Variants in DCPS observed in about 807,000 individuals in gnomAD.
DCPS encodes the protein decapping enzyme, scavenger.
Under a neutral mutation model 34.7 loss-of-function variants are expected in DCPS, and 27 were observed. The observed-to-expected ratio is 0.78, with a 90% CI of 0.57 to 1.07. The LOEUF (loss-of-function observed/expected upper bound fraction) is 1.07. Ranked by LOEUF, DCPS falls within the 50% of genes least tolerant of loss-of-function variation. DCPS has a pLI of 0.00. For synonymous variants in DCPS, 185 were observed against 185.7 expected (o/e 1.00, Z 0.03); for missense variants, 464 against 436.9 (o/e 1.06, Z -0.55).
At chr11:126,304,832 A>G (rs746338324) in intron 1 of DCPS, among the ~76,000 whole-genome samples, 3 of 152,226 alleles carry the variant, frequency 2.0e-5, no homozygotes, top group Non-Finnish European at 4.4e-5. Context: ...ACTACGGAAT[A>G]TTTCTGGCGA....
intron 2 of DCPS, among the ~76,000 whole-genome samples, chr11:126,309,855 T>C (rs1027641613): frequency 6.6e-6 from 1 of 152,228 alleles, no homozygotes; most frequent in Non-Finnish European, 1.5e-5. Context: ...CTGTCTCCTC[T>C]TCTTCTTTTC....
rs1591389406 is a variant in DCPS, at chr11:126,332,741, G to A, written c.522+1191G>A. Among the ~76,000 whole-genome samples the A allele has an allele frequency of 6.6e-6, 1 of 152,346 alleles. No homozygotes were observed. The highest frequency in any genetic ancestry group is 2.1e-4 in the South Asian group (1 of 4,826). ...CTCCCTGGGCAGCAGTTTGCGTGGG[G>A]TGCATCTGGCTCAAGCTGACTTGTT... On this transcript the variant is annotated intron_variant, in intron 3 of 5. Transcript: ENST00000263579. The surrounding 1 kb of genome is among the most constrained non-coding windows in gnomAD (Gnocchi z 5.4).
intron 1 of DCPS, among the ~76,000 whole-genome samples, chr11:126,304,943 C>T (rs181717840): frequency 1.3e-5 from 2 of 152,218 alleles, no homozygotes; most frequent in East Asian, 3.9e-4. Flanking sequence ...GGAGGCCTAG[C>T]CAGAGCAGAT....
intron 2 of DCPS, among the ~76,000 whole-genome samples, chr11:126,309,227 T>C (rs1951600634): frequency 6.6e-6 from 1 of 152,140 alleles, no homozygotes; most frequent in African/African-American, 2.4e-5. Context: ...GGTTTCACCA[T>C]GTTGGCCAGG....
Position 126,311,390 on chromosome 11 carries a change from C to T in DCPS, c.376+4646C>T, listed in dbSNP as rs147213672. Among the ~76,000 whole-genome samples the T allele has an allele frequency of 4.5e-3, 691 of 152,334 alleles. 6 individuals carry two copies. Among genetic ancestry groups the T allele is most frequent in the African/African-American group, 0.016 (664 of 41,582 alleles). ...TGAAGTGTCTGCTATGTGCCAGCTA[C>T]TCTAGTAGAAGCAAGGTCTGTGTTG... On this transcript the variant is annotated intron_variant, in intron 2 of 5. Transcript: ENST00000263579.
chr11:126,325,712 AG>A lies in DCPS; in HGVS notation c.377-5692del, dbSNP rs1951734293. On this transcript the variant is annotated intron_variant, in intron 2 of 5. Coordinates refer to ENST00000263579, the MANE Select transcript of DCPS (RefSeq NM_014026.6). The surrounding 1 kb of genome is among the most constrained non-coding windows in gnomAD (Gnocchi z 4.3). ...TAAAAAGACAAACACAGTGTTAAAAAGCATGACAGGGGAACTCTGTAAGGAG... is the reference window on the plus strand; with the variant it reads ...TAAAAAGACAAACACAGTGTTAAAAACATGACAGGGGAACTCTGTAAGGAG... Among the ~76,000 whole-genome samples, 1 of 152,208 alleles carries A rather than the reference AG, an allele frequency of 6.6e-6. No individual in the cohort carries two copies. Among genetic ancestry groups the A allele is most frequent in the South Asian group, 2.1e-4 (1 of 4,822 alleles).
At position 126,335,320 on chromosome 11, in the gene DCPS, G is replaced by A. The variant is rs1486400311; in HGVS notation, c.523-2966G>A. 6.6e-6 allele frequency among the ~76,000 whole-genome samples: 1 copy of A among 152,264 alleles called. No homozygotes were observed. Among genetic ancestry groups the A allele is most frequent in the Non-Finnish European group, 1.5e-5 (1 of 68,050 alleles). ...CCAGCCAGGTGAGTTGCAGAAAGCT[G>A]ATGGCATCACCCTCTGCCCAGTTTA... On this transcript the variant is annotated intron_variant, in intron 3 of 5. Coordinates refer to ENST00000263579, the MANE Select transcript of DCPS (RefSeq NM_014026.6). The surrounding 1 kb of genome is among the most constrained non-coding windows in gnomAD (Gnocchi z 4.8).
rs893155245 is a variant in DCPS, at chr11:126,345,315, G to A, written c.748-32G>A. On this transcript the variant is annotated intron_variant, in intron 5 of 5. Coordinates refer to ENST00000263579, the MANE Select transcript of DCPS (RefSeq NM_014026.6). This position sits in a 1 kb window ranked among gnomAD's most constrained non-coding sequence, Gnocchi z 7.4. ...GGCGCCGGGCCTCAGGCAGCACGGT[G>A]ACTCCTGACCTGCCTGCCCCTGTCT... is the stretch of plus-strand genomic sequence containing the variant. 1.2e-6 allele frequency: 2 copies of A among 1,610,322 alleles called. No individual in the cohort carries two copies. The highest frequency in any genetic ancestry group is 1.7e-6 in the Non-Finnish European group (2 of 1,178,160).
chr11:126,338,481 G>A lies in DCPS; in HGVS notation c.636+82G>A, dbSNP rs1285910304. On this transcript the variant is annotated intron_variant, in intron 4 of 5. Transcript: ENST00000263579. The surrounding 1 kb of genome is among the most constrained non-coding windows in gnomAD (Gnocchi z 5.4). Reference sequence around the variant, plus strand: ...TCCTTCTGACTGCCCTCTTTCTCACGCTGGCCTGTCTCTAAGCAGATTATA... The same window carrying A: ...TCCTTCTGACTGCCCTCTTTCTCACACTGGCCTGTCTCTAAGCAGATTATA... 8.5e-6 allele frequency: 11 copies of A among 1,290,462 alleles called. No homozygotes were observed. Among genetic ancestry groups the A allele is most frequent in the Non-Finnish European group, 1.2e-5 (11 of 889,498 alleles). 79.9% of individuals were successfully genotyped at this position (1,290,462 alleles called of 1,614,324 possible). A position where few individuals can be genotyped will look rare whatever the true frequency, so the allele number is the denominator to read the frequency against.
intron 2 of DCPS, among the ~76,000 whole-genome samples, chr11:126,311,393 T>C (rs1951617540): frequency 6.6e-6 from 1 of 152,246 alleles, no homozygotes; most frequent in South Asian, 2.1e-4. Flanking sequence ...CCAGCTACTC[T>C]AGTAGAAGCA....
rs1565377781 is a variant in DCPS, at chr11:126,331,913, A to G, written c.522+363A>G. ...GGGAACTGATGCTGGTCTTGGTCCC[A>G]CCTGATGTGCTTGGGCATGCCATGG... On this transcript the variant is annotated intron_variant, in intron 3 of 5. Transcript: ENST00000263579. The surrounding 1 kb of genome is among the most constrained non-coding windows in gnomAD (Gnocchi z 7.2). Among the ~76,000 whole-genome samples, 1 of 152,160 alleles carries G rather than the reference A, an allele frequency of 6.6e-6. No homozygotes were observed. Among genetic ancestry groups the G allele is most frequent in the South Asian group, 2.1e-4 (1 of 4,834 alleles).
rs900699944 is a variant in DCPS, at chr11:126,331,735, G to A, written c.522+185G>A. On this transcript the variant is annotated intron_variant, in intron 3 of 5. Transcript: ENST00000263579. This position sits in a 1 kb window ranked among gnomAD's most constrained non-coding sequence, Gnocchi z 7.2. Reference sequence around the variant, plus strand: ...GCTTACATCCCATGCACAGTCACACGGTGTGTGACCATACACAGATATCTC... The same window carrying A: ...GCTTACATCCCATGCACAGTCACACAGTGTGTGACCATACACAGATATCTC... 2.0e-5 allele frequency among the ~76,000 whole-genome samples: 3 copies of A among 152,186 alleles called. No homozygotes were observed. Among genetic ancestry groups the A allele is most frequent in the African/African-American group, 2.4e-5 (1 of 41,434 alleles).
intron 1 of DCPS, among the ~76,000 whole-genome samples, chr11:126,306,246 G>A (rs1241316782): frequency 2.0e-5 from 3 of 152,030 alleles, no homozygotes; most frequent in East Asian, 1.9e-4. Flanking sequence ...GGTGGCATGC[G>A]CCTGTAATCC....
In DCPS at chr11:126,333,043, A is replaced by G. The variant is rs1951804304; in HGVS notation, c.522+1493A>G. ...TTTTTAGTAGAGATGGGGTTTTGCC[A>G]TGTTGCTCAGGCTGGCCTCGAACTC... is the stretch of plus-strand genomic sequence containing the variant. On this transcript the variant is annotated intron_variant, in intron 3 of 5. Transcript: ENST00000263579. This position sits in a 1 kb window ranked among gnomAD's most constrained non-coding sequence, Gnocchi z 5.7. Among the ~76,000 whole-genome samples the G allele has an allele frequency of 1.3e-5, 2 of 152,108 alleles. No homozygotes were observed. Among genetic ancestry groups the G allele is most frequent in the African/African-American group, 4.8e-5 (2 of 41,416 alleles).
rs1034727812 is a variant in DCPS, at chr11:126,335,719, A to T, written c.523-2567A>T. ...GGTGGGCAGTTCACTTGAGGTCAGG[A>T]GTTTGAGACCAGCCTGGCCAACATG... On this transcript the variant is annotated intron_variant, in intron 3 of 5. Transcript: ENST00000263579. This position sits in a 1 kb window ranked among gnomAD's most constrained non-coding sequence, Gnocchi z 4.8. 6.6e-6 allele frequency among the ~76,000 whole-genome samples: 1 copy of T among 152,210 alleles called. No homozygotes were observed. Among genetic ancestry groups the T allele is most frequent in the African/African-American group, 2.4e-5 (1 of 41,458 alleles).
intron 4 of DCPS, among the ~76,000 whole-genome samples, chr11:126,340,649 T>C (rs1165985627): frequency 2.0e-5 from 3 of 152,190 alleles, no homozygotes; most frequent in African/African-American, 7.2e-5. Context: ...AGGGAAGGGC[T>C]GGGGATAGGG....
Position 126,308,524 on chromosome 11 carries a change from G to A in DCPS, c.376+1780G>A, listed in dbSNP as rs181575824. Among the ~76,000 whole-genome samples, 45 of 152,346 alleles carry A rather than the reference G, an allele frequency of 3.0e-4. No individual in the cohort carries two copies. In the South Asian group the frequency reaches 5.0e-3, roughly 17 times the overall value. ...TTGAGCAAAAGCCAGATTAATTGGT[G>A]CAAGTTGATGGAAATGGACAGCTGT... On this transcript the variant is annotated intron_variant, in intron 2 of 5. Transcript: ENST00000263579.
In DCPS at chr11:126,328,086, G is replaced by A. The variant is rs1299864862; in HGVS notation, c.377-3319G>A. 1.3e-5 allele frequency among the ~76,000 whole-genome samples: 2 copies of A among 152,204 alleles called. No individual in the cohort carries two copies. The highest frequency in any genetic ancestry group is 6.5e-5 in the Admixed American group (1 of 15,286). On this transcript the variant is annotated intron_variant, in intron 2 of 5. Coordinates refer to ENST00000263579, the MANE Select transcript of DCPS (RefSeq NM_014026.6). This position sits in a 1 kb window ranked among gnomAD's most constrained non-coding sequence, Gnocchi z 6.6. ...GGAGGGTCAGCTCGGCCGTGGGAGCGGCCAGGGCACGGCCTGGAGAGGAGC... is the reference window on the plus strand; with the variant it reads ...GGAGGGTCAGCTCGGCCGTGGGAGCAGCCAGGGCACGGCCTGGAGAGGAGC...
rs1951880632 is a variant in DCPS at position 126,342,179 on chromosome 11, T to G, written c.637-1128T>G. 6.6e-6 allele frequency: 1 copy of G among 152,194 alleles called. No individual in the cohort carries two copies. Among genetic ancestry groups the G allele is most frequent in the Admixed American group, 6.5e-5 (1 of 15,270 alleles). The allele number at this position is 152,194 out of a possible 1,614,324, so 9.4% of individuals were successfully genotyped here. A position where few individuals can be genotyped will look rare whatever the true frequency, so the allele number is the denominator to read the frequency against. ...ATGGAATTACCAGGCAAGGCCAGGG[T>G]TTAGGTGAGCAGGGTGGGTTTTCTC... On this transcript the variant is annotated intron_variant, in intron 4 of 5. Transcript: ENST00000263579. The surrounding 1 kb of genome is among the most constrained non-coding windows in gnomAD (Gnocchi z 4.4).
Sources: gnomAD v4.1 joint callset for allele counts (sites outside exome capture counted in the v4.1 genomes callset) on GRCh38, gnomAD v4.1.1 for gene constraint, Gnocchi (gnomAD v3.1) non-coding constraint, MANE v1.5 for transcripts, NCBI Gene and HGNC (gene_info 2026-07-23, HGNC 2026-07-21) for gene names.